Variants in PHLPP1 observed in about 807,000 individuals in gnomAD.
The protein encoded by PHLPP1 is PH domain and leucine rich repeat protein phosphatase 1.
A neutral mutation model predicts 117.2 loss-of-function variants in PHLPP1; 42 were observed. The observed-to-expected ratio is 0.36, with a 90% CI of 0.28 to 0.46. The LOEUF (loss-of-function observed/expected upper bound fraction) is 0.46, where lower values mean the gene tolerates loss of function less well. PHLPP1 is among the 20% of genes least tolerant of loss of function. The pLI, the probability that PHLPP1 is intolerant of heterozygous loss-of-function variation, is 1.00. For missense variants in PHLPP1, 2,084 were observed against 2,241.9 expected, an observed-to-expected ratio of 0.93 and a Z score of 1.42; for synonymous variants, 1,042 against 970.7, an observed-to-expected ratio of 1.07 and a Z score of -1.37.
chr18:62,730,762 A>C (rs1911203789), intron 1 of PHLPP1, among the ~76,000 whole-genome samples: 1 of 151,388 alleles, frequency 6.6e-6, no homozygotes, highest in Non-Finnish European at 1.5e-5. Flanking sequence ...ATTGCACTCT[A>C]GCCTGGGCAA....
chr18:62,931,001 AAC>A (rs1289388802), intron 10 of PHLPP1, among the ~76,000 whole-genome samples: 1 of 152,028 alleles, frequency 6.6e-6, no homozygotes, highest in Non-Finnish European at 1.5e-5. Flanking sequence ...CATCCTGGCT[AAC>A]ACAGTGAAAG....
chr18:62,979,459 T>G lies in PHLPP1; in HGVS notation c.*28T>G. 1 of 1,542,822 alleles carries G rather than the reference T, an allele frequency of 6.5e-7. No homozygotes were observed. Among genetic ancestry groups the G allele is most frequent in the Non-Finnish European group, 8.8e-7 (1 of 1,141,788 alleles). On this transcript the variant is annotated 3_prime_UTR_variant, in exon 17 of 17. Coordinates refer to ENST00000262719, the MANE Select transcript of PHLPP1 (RefSeq NM_194449.4). The stretch of plus-strand genomic sequence containing the variant: ...CAGCCGAGCTGTTTAACAAATAAAC[T>G]AACCACAAAAGACTGAGTTGCAAGA...
At chr18:62,965,606 C>A (rs1910879198) in intron 14 of PHLPP1, among the ~76,000 whole-genome samples, 1 of 151,284 alleles carries the variant, frequency 6.6e-6, no homozygotes, top group Admixed American at 6.6e-5. Context: ...ATTACAGCGC[C>A]CACCACCATG....
At chr18:62,858,928 C>T (rs545423834) in intron 3 of PHLPP1, among the ~76,000 whole-genome samples, 4 of 152,174 alleles carry the variant, frequency 2.6e-5, no homozygotes, top group South Asian at 4.1e-4. Flanking sequence ...CATCTTTATA[C>T]GTGTTATACA....
chr18:62,769,080 A>G (rs996474680), intron 1 of PHLPP1, among the ~76,000 whole-genome samples: 1 of 152,230 alleles, frequency 6.6e-6, no homozygotes, highest in Non-Finnish European at 1.5e-5. Flanking sequence ...AGTCCTTAAA[A>G]GAATAACTCT....
At chr18:62,921,528 C>G (rs184825767) in intron 10 of PHLPP1, among the ~76,000 whole-genome samples, 110 of 152,274 alleles carry the variant, frequency 7.2e-4, no homozygotes, top group Non-Finnish European at 1.3e-3. Flanking sequence ...TCACTTGTCT[C>G]TCTCCATTAT....
At chr18:62,752,641 G>C (rs918497422) in intron 1 of PHLPP1, among the ~76,000 whole-genome samples, 2 of 152,176 alleles carry the variant, frequency 1.3e-5, no homozygotes, top group Non-Finnish European at 2.9e-5. Context: ...ATGTTCTCTT[G>C]GTTAATAGTA....
Position 62,974,034 on chromosome 18 carries a change from G to A in PHLPP1, c.3755+1326G>A, listed in dbSNP as rs376988007. Among the ~76,000 whole-genome samples the A allele has an allele frequency of 1.2e-3, 190 of 152,256 alleles. 1 individual carries two copies. The highest frequency in any genetic ancestry group is 4.4e-3 in the African/African-American group (183 of 41,548). The stretch of plus-strand genomic sequence containing the variant: ...GTATCATATGCACACACATACACAT[G>A]TGCATACAGACCACAGCACAAACAC... On this transcript the variant is annotated intron_variant, in intron 15 of 16. Transcript: ENST00000262719.
intron 8 of PHLPP1, 79 bp downstream of exon 8, chr18:62,905,363 A>G (rs1916821382): frequency 3.1e-6 from 2 of 647,960 alleles, no homozygotes; most frequent in South Asian, 4.8e-5. Flanking sequence ...ATGCACAAGT[A>G]CTTTTTAATA....
intron 3 of PHLPP1, among the ~76,000 whole-genome samples, chr18:62,846,436 C>T (rs193075558): frequency 1.8e-3 from 274 of 151,436 alleles, no homozygotes; most frequent in African/African-American, 6.5e-3. Context: ...AGGTGTTCAC[C>T]ATGAAGACAA....
At chr18:62,811,495 C>G (rs1352257703) in intron 1 of PHLPP1, among the ~76,000 whole-genome samples, 4 of 150,518 alleles carry the variant, frequency 2.7e-5, no homozygotes, top group Non-Finnish European at 5.9e-5. Context: ...CGAAAATTCA[C>G]CAATCCGTTT....
chr18:62,766,076 A>AAAAAAAATATATATAT, intron 1 of PHLPP1, among the ~76,000 whole-genome samples: 3 of 21,660 alleles, frequency 1.4e-4, no homozygotes, highest in East Asian at 3.3e-3. Flanking sequence ...AAAAAAAAAA[A>AAAAAAAATATATATAT]ATATATATAT....
chr18:62,902,114 T>G (rs1359185041), intron 6 of PHLPP1, among the ~76,000 whole-genome samples: 1 of 152,168 alleles, frequency 6.6e-6, no homozygotes, highest in Non-Finnish European at 1.5e-5. Context: ...TGGTTCCTAG[T>G]CCCCATTACT....
intron 14 of PHLPP1, among the ~76,000 whole-genome samples, chr18:62,968,816 G>A (rs567509379): frequency 1.3e-5 from 2 of 152,210 alleles, no homozygotes; most frequent in East Asian, 3.9e-4. Context: ...TTACAGGCAT[G>A]AGCCACCATG....
intron 1 of PHLPP1, among the ~76,000 whole-genome samples, chr18:62,730,299 C>A (rs1272059260): frequency 6.6e-6 from 1 of 152,110 alleles, no homozygotes; most frequent in Non-Finnish European, 1.5e-5. Context: ...TTGAGAGGAT[C>A]AAGTAAGATA....
At chr18:62,874,648 C>T (rs1026047414) in intron 4 of PHLPP1, among the ~76,000 whole-genome samples, 11 of 96,348 alleles carry the variant, frequency 1.1e-4, no homozygotes, top group East Asian at 3.0e-4. Context: ...AGGGCGCGCA[C>T]GCACGCGCGC....
intron 1 of PHLPP1, among the ~76,000 whole-genome samples, chr18:62,777,022 A>G (rs1942797080): frequency 6.6e-6 from 1 of 152,102 alleles, no homozygotes. Flanking sequence ...TGTTATGAAC[A>G]TTGGTGTTAC....
At chr18:62,885,481 G>A (rs1916262835) in intron 4 of PHLPP1, among the ~76,000 whole-genome samples, 1 of 152,128 alleles carries the variant, frequency 6.6e-6, no homozygotes, top group Non-Finnish European at 1.5e-5. Flanking sequence ...CCAATATGGT[G>A]AAACCCTGTC....
intron 3 of PHLPP1, among the ~76,000 whole-genome samples, chr18:62,852,293 G>C (rs1321243176): frequency 6.6e-6 from 1 of 152,064 alleles, no homozygotes; most frequent in Non-Finnish European, 1.5e-5. Context: ...TGGTAGCTTT[G>C]ATATGCTTTT....
Sources: allele counts gnomAD v4.1 joint callset (sites outside exome capture counted in the v4.1 genomes callset), GRCh38; gene constraint gnomAD v4.1.1; transcripts MANE v1.5; gene names NCBI Gene and HGNC (gene_info 2026-07-23, HGNC 2026-07-21).